Variants in DGKH observed in about 807,000 individuals in gnomAD.
The protein encoded by DGKH is diacylglycerol kinase eta.
Under a neutral mutation model 159.3 loss-of-function variants are expected in DGKH, and 90 were observed. That is an observed-to-expected ratio of 0.57 (90% CI 0.48 to 0.67). The LOEUF is 0.67. Among genes scored for constraint, DGKH ranks in the 30% least tolerant of loss-of-function variants. The probability of loss-of-function intolerance (pLI) is 0.00; values close to 1 mark genes in which losing one functional copy is unlikely to be tolerated. For synonymous variants in DGKH, 536 were observed against 553.8 expected, an observed-to-expected ratio of 0.97 and a Z score of 0.45; for missense variants, 1,181 against 1,506.1, an observed-to-expected ratio of 0.78 and a Z score of 3.57.
chr13:42,194,433 T>C (rs9594697), intron 16 of DGKH, among the ~76,000 whole-genome samples: 34,134 of 152,174 alleles, frequency 0.22, 4,486 homozygotes, highest in Admixed American at 0.29. Context: ...ACACCTGGCC[T>C]CTTCCATTTA....
chr13:42,256,438 A>G (rs1250193052), exon 31 of DGKH: 34 of 1,565,352 alleles, frequency 2.2e-5, no homozygotes, highest in Non-Finnish European at 3.0e-5. Context: ...ACAAAAATGG[A>G]TCAACCTTAA....
At chr13:42,123,175 A>C (rs894469309) in intron 1 of DGKH, among the ~76,000 whole-genome samples, 2 of 152,172 alleles carry the variant, frequency 1.3e-5, no homozygotes, top group Non-Finnish European at 2.9e-5. Context: ...TGGATATGCA[A>C]AATGTATATT....
At chr13:42,207,271 C>T (rs180710274) in intron 21 of DGKH, among the ~76,000 whole-genome samples, 334 of 150,620 alleles carry the variant, frequency 2.2e-3, no homozygotes, top group African/African-American at 7.5e-3. Flanking sequence ...CTCGCTACAA[C>T]CTCTGCCTCT....
At chr13:42,064,805 G>C (rs1882442980) in intron 1 of DGKH, among the ~76,000 whole-genome samples, 1 of 152,044 alleles carries the variant, frequency 6.6e-6, no homozygotes, top group Non-Finnish European at 1.5e-5. Flanking sequence ...GCCCTCTTTA[G>C]TAAAATACAA....
intron 3 of DGKH, among the ~76,000 whole-genome samples, chr13:42,145,422 A>G (rs931147407): frequency 6.6e-5 from 10 of 152,218 alleles, no homozygotes; most frequent in African/African-American, 2.4e-4. Context: ...TCTTTGGGAC[A>G]ATCCTGGAAC....
At chr13:42,044,964 A>C (rs1361096453), upstream of DGKH, among the ~76,000 whole-genome samples, 1 of 152,216 alleles carries the variant, frequency 6.6e-6, no homozygotes. Flanking sequence ...GTATTTACAA[A>C]GTAGTCCTTA....
At chr13:42,090,257 A>G (rs1954391107) in intron 1 of DGKH, among the ~76,000 whole-genome samples, 1 of 152,220 alleles carries the variant, frequency 6.6e-6, no homozygotes, top group Non-Finnish European at 1.5e-5. Flanking sequence ...ATATTATAAA[A>G]CATGCATAAA....
chr13:42,165,012 C>A (rs1234311396), intron 7 of DGKH, among the ~76,000 whole-genome samples: 1 of 152,006 alleles, frequency 6.6e-6, no homozygotes, highest in Non-Finnish European at 1.5e-5. Context: ...TTTTCCCCTT[C>A]TTTTTCTCTT....
At chr13:42,041,932 G>T (rs1311554291) in intron 1 of DGKH, among the ~76,000 whole-genome samples, 1 of 152,184 alleles carries the variant, frequency 6.6e-6, no homozygotes, top group East Asian at 1.9e-4. Flanking sequence ...GTTGAGAGCC[G>T]CTAGGTCAGG....
intron 21 of DGKH, among the ~76,000 whole-genome samples, chr13:42,207,974 A>G (rs950394791): frequency 6.6e-5 from 10 of 152,092 alleles, no homozygotes; most frequent in African/African-American, 2.2e-4. Context: ...GGGAGAAATC[A>G]GTGAGATTAA....
chr13:42,074,722 G>C (rs762829780), intron 1 of DGKH, among the ~76,000 whole-genome samples: 1 of 151,560 alleles, frequency 6.6e-6, no homozygotes, highest in Non-Finnish European at 1.5e-5. Context: ...CTTGAATATA[G>C]ATCCTATTTA....
In DGKH at chr13:42,234,554, T is replaced by G. The variant is rs1420310862; in HGVS notation, c.*5366T>G. The G allele has an allele frequency of 6.6e-6, 1 of 152,190 alleles. No homozygotes were observed. The highest frequency in any genetic ancestry group is 1.5e-5 in the Non-Finnish European group (1 of 68,046). 9.4% of individuals were successfully genotyped at this position (152,190 alleles called of 1,614,324 possible). ...TGCCCCCTCTACGCCCCACTCCAAT[T>G]AACTCATCCTACATCTCTCAGATGT... On this transcript the variant is annotated 3_prime_UTR_variant, in exon 30 of 30. Coordinates refer to ENST00000337343, the MANE Select transcript of DGKH (RefSeq NM_178009.5).
chr13:42,137,939 TG>T, intron 3 of DGKH: 1 of 221,950 alleles, frequency 4.5e-6, no homozygotes, highest in Non-Finnish European at 7.6e-6. Context: ...GCAGGACCTG[TG>T]GTTGAATTCG....
chr13:42,105,997 G>GTT (rs71685202), intron 1 of DGKH, among the ~76,000 whole-genome samples: 36 of 145,014 alleles, frequency 2.5e-4, no homozygotes, highest in Middle Eastern at 3.5e-3. Context: ...AAGGAATGTG[G>GTT]TTTTTTTTTT....
At chr13:42,154,776 C>A (rs1217847096) in intron 3 of DGKH, among the ~76,000 whole-genome samples, 1 of 151,808 alleles carries the variant, frequency 6.6e-6, no homozygotes, top group Non-Finnish European at 1.5e-5. Context: ...CGCAGTGGCT[C>A]ACGGCTGTAA....
chr13:42,167,456 C>T (rs1956340558), intron 9 of DGKH, among the ~76,000 whole-genome samples: 1 of 152,016 alleles, frequency 6.6e-6, no homozygotes, highest in South Asian at 2.1e-4. Context: ...TGATACTTTC[C>T]TCTGTCTTCT....
intron 7 of DGKH, among the ~76,000 whole-genome samples, chr13:42,165,071 G>T (rs575378532): frequency 6.6e-6 from 1 of 150,382 alleles, no homozygotes; most frequent in Non-Finnish European, 1.5e-5. Flanking sequence ...CTCTCTCTTC[G>T]CCTTCAACAG....
At chr13:42,201,451 G>A (rs961160107) in intron 20 of DGKH, among the ~76,000 whole-genome samples, 2 of 152,150 alleles carry the variant, frequency 1.3e-5, no homozygotes, top group African/African-American at 4.8e-5. Flanking sequence ...TATCTTTAAG[G>A]GTTGAAAAAC....
rs368733147 is a variant in DGKH, at chr13:42,141,642, G to C, written c.384+12010G>C. 1.8e-4 allele frequency among the ~76,000 whole-genome samples: 28 copies of C among 152,288 alleles called. No individual in the cohort carries two copies. The East Asian group carries it at 3.9e-3, about 21-fold the overall frequency. On this transcript the variant is annotated intron_variant, in intron 3 of 29. Coordinates refer to ENST00000337343, the MANE Select transcript of DGKH (RefSeq NM_178009.5). Reference sequence around the variant, plus strand: ...TTGTGGTTTTGATTTGCATTTCTCTGATGGCCAGTATTGATGAGCATTTTT... The same window carrying C: ...TTGTGGTTTTGATTTGCATTTCTCTCATGGCCAGTATTGATGAGCATTTTT...
Sources: allele counts gnomAD v4.1 joint callset (sites outside exome capture counted in the v4.1 genomes callset), GRCh38; gene constraint gnomAD v4.1.1; transcripts MANE v1.5; gene names NCBI Gene and HGNC (gene_info 2026-07-23, HGNC 2026-07-21).